The following MBD5 variants were observed in gnomAD, a reference collection of about 807,000 sequenced individuals.
The protein encoded by MBD5 is methyl-CpG binding domain protein 5.
MBD5 carries 13 observed loss-of-function variants against 117.3 expected under a neutral mutation model. The ratio of observed to expected loss-of-function variants is 0.11; its 90% CI spans 0.07 to 0.18. The LOEUF is 0.18. Among genes scored for constraint, MBD5 ranks in the 10% least tolerant of loss-of-function variants. The pLI, the probability that MBD5 is intolerant of heterozygous loss-of-function variation, is 1.00. For synonymous variants in MBD5, 727 were observed against 766.4 expected (o/e 0.95, Z 0.85); for missense variants, 1,879 against 2,093.8 (o/e 0.90, Z 2.00).
chr2:148,208,756 A>G (rs1699347258), intron 2 of MBD5, among the ~76,000 whole-genome samples: 2 of 150,986 alleles, frequency 1.3e-5, no homozygotes, highest in Non-Finnish European at 2.9e-5. Flanking sequence ...GGGACTCTTC[A>G]TTCCCCAGCT....
chr2:148,149,201 G>C (rs1367429895), intron 1 of MBD5, among the ~76,000 whole-genome samples: 9 of 139,666 alleles, frequency 6.4e-5, no homozygotes, highest in Non-Finnish European at 1.1e-4. Flanking sequence ...TTGGTTTTTT[G>C]TTCTTGCGAT....
Position 148,458,827 on chromosome 2 carries a change from G to A in MBD5, c.69G>A (p.Val23=), listed in dbSNP as rs151204004. The change falls in exon 5 of 14, where the codon GTG becomes GTA. Residue 23 remains valine, a synonymous_variant. Transcript: ENST00000642680. The stretch of plus-strand genomic sequence containing the variant: ...GTCTTCCAGCTATACAAGTTCCTGT[G>A]GGTTGGCAGCGTCGTGTGGATCAAA... The part of the protein sequence containing the change: ...EGGLPAIQVP[V]GWQRRVDQNG... 56 of 1,613,706 alleles carry A rather than the reference G, an allele frequency of 3.5e-5. No homozygotes were observed. In the Admixed American group the frequency reaches 7.8e-4, roughly 23 times the overall value.
At chr2:148,332,413 A>G (rs1702682314) in intron 3 of MBD5, among the ~76,000 whole-genome samples, 1 of 152,184 alleles carries the variant, frequency 6.6e-6, no homozygotes, top group African/African-American at 2.4e-5. Context: ...TGTCCCACAT[A>G]GTACAGATCC....
At chr2:148,511,231 G>C (rs1365109541) in intron 13 of MBD5, among the ~76,000 whole-genome samples, 4 of 152,192 alleles carry the variant, frequency 2.6e-5, no homozygotes, top group Admixed American at 1.3e-4. Flanking sequence ...TAGGTTTTAT[G>C]AGCCAGACCT....
intron 4 of MBD5, among the ~76,000 whole-genome samples, chr2:148,362,384 G>A (rs1321659652): frequency 6.6e-6 from 1 of 152,164 alleles, no homozygotes. Flanking sequence ...TTCGAACTGG[G>A]CGGAGATCAC....
rs572845957 is a variant in MBD5, at chr2:148,309,905, A to G, written c.-679-32309A>G. Among the ~76,000 whole-genome samples the G allele has an allele frequency of 5.3e-5, 8 of 152,108 alleles. No homozygotes were observed. In the South Asian group the frequency reaches 8.3e-4, roughly 16 times the overall value. On this transcript the variant is annotated intron_variant, in intron 3 of 13. Coordinates refer to ENST00000642680, the MANE Select transcript of MBD5 (RefSeq NM_001378120.1). ...TTTATCAAAGGCCTTTTCTGCATCT[A>G]TGTGGTTTTTGTCATTGTTTCTGTT...
At chr2:148,196,498 T>C (rs1309310765) in intron 2 of MBD5, among the ~76,000 whole-genome samples, 11 of 152,194 alleles carry the variant, frequency 7.2e-5, no homozygotes, top group Non-Finnish European at 1.3e-4. Context: ...ATTAAAAGAA[T>C]CAATCTCTTA....
rs1032960321 is a variant in MBD5 at position 148,072,153 on chromosome 2, A to G, written c.-925+50469A>G. On this transcript the variant is annotated intron_variant, in intron 1 of 13. Coordinates refer to ENST00000642680, the MANE Select transcript of MBD5 (RefSeq NM_001378120.1). ...GGTTCTACCCTGCTCATACTATTCA[A>G]TATAATAATAGCACTTATCGTCATA... 3 of 152,282 alleles carry G rather than the reference A, an allele frequency of 2.0e-5. No individual in the cohort carries two copies. In the South Asian group the frequency reaches 6.2e-4, roughly 32 times the overall value. The allele number at this position is 152,282 out of a possible 1,614,324, so 9.4% of individuals were successfully genotyped here. A position where few individuals can be genotyped will look rare whatever the true frequency, so the allele number is the denominator to read the frequency against.
intron 4 of MBD5, among the ~76,000 whole-genome samples, chr2:148,406,578 T>C (rs944897884): frequency 1.3e-5 from 2 of 152,210 alleles, no homozygotes; most frequent in African/African-American, 4.8e-5. Flanking sequence ...TGGCATCTCA[T>C]TGCAATTAAA....
chr2:148,258,718 C>A (rs958728974), intron 3 of MBD5, among the ~76,000 whole-genome samples: 1 of 152,210 alleles, frequency 6.6e-6, no homozygotes, highest in Non-Finnish European at 1.5e-5. Context: ...AAGAGTACTT[C>A]ATTGGGCTGC....
At chr2:148,272,166 T>C (rs748580244) in intron 3 of MBD5, among the ~76,000 whole-genome samples, 2 of 152,228 alleles carry the variant, frequency 1.3e-5, no homozygotes, top group African/African-American at 2.4e-5. Flanking sequence ...TCATACACCA[T>C]GTTTTCTTTA....
chr2:148,354,738 A>G (rs1412408215), intron 4 of MBD5, among the ~76,000 whole-genome samples: 3 of 152,208 alleles, frequency 2.0e-5, no homozygotes, highest in Non-Finnish European at 4.4e-5. Context: ...ACCAACATGT[A>G]AAAGCATTCC....
At chr2:148,447,223 G>T (rs1460521192) in intron 4 of MBD5, among the ~76,000 whole-genome samples, 1 of 33,506 alleles carries the variant, frequency 3.0e-5, no homozygotes, top group African/African-American at 5.0e-5. Context: ...AAGAAAGAAA[G>T]AAAGAAAGAA....
At chr2:148,038,717 GACTAA>G (rs1163029473) in intron 1 of MBD5, among the ~76,000 whole-genome samples, 18 of 151,956 alleles carry the variant, frequency 1.2e-4, no homozygotes, top group African/African-American at 4.1e-4. Context: ...GTAAGGTTTT[GACTAA>G]ACTAACGGAT....
intron 1 of MBD5, among the ~76,000 whole-genome samples, chr2:148,175,647 T>C (rs1698366849): frequency 6.6e-6 from 1 of 152,184 alleles, no homozygotes; most frequent in African/African-American, 2.4e-5. Context: ...GGTTACTGGA[T>C]GGGGCCTTCA....
chr2:148,232,475 A>T (rs577665283), intron 2 of MBD5, among the ~76,000 whole-genome samples: 2 of 152,078 alleles, frequency 1.3e-5, no homozygotes, highest in African/African-American at 4.8e-5. Flanking sequence ...GATCATATAG[A>T]TACTTTTTTT....
At chr2:148,302,615 G>A (rs148896699) in intron 3 of MBD5, among the ~76,000 whole-genome samples, 1 of 150,330 alleles carries the variant, frequency 6.7e-6, no homozygotes, top group African/African-American at 2.4e-5. Context: ...AAGCATTTCG[G>A]TTTTGGGTTT....
chr2:148,258,050 C>T (rs1700631917), intron 3 of MBD5, among the ~76,000 whole-genome samples: 1 of 152,162 alleles, frequency 6.6e-6, no homozygotes. Flanking sequence ...TGCACCTCTT[C>T]CAGCTTTTTG....
chr2:148,300,350 G>A (rs147239947), intron 3 of MBD5, among the ~76,000 whole-genome samples: 224 of 152,212 alleles, frequency 1.5e-3, no homozygotes, highest in African/African-American at 5.0e-3. Flanking sequence ...ATTGCGCCCG[G>A]GCATGGGGAT....
Sources: allele counts gnomAD v4.1 joint callset (sites outside exome capture counted in the v4.1 genomes callset), GRCh38; gene constraint gnomAD v4.1.1; transcripts MANE v1.5; gene names NCBI Gene and HGNC (gene_info 2026-07-23, HGNC 2026-07-21).